Variants in SERINC5 observed in about 807,000 individuals in gnomAD.
The protein encoded by SERINC5 is chromosome 5 open reading frame 12.
In SERINC5, 41 loss-of-function variants were observed where a neutral mutation model predicts 63.1. The ratio of observed to expected loss-of-function variants is 0.65; its 90% CI spans 0.51 to 0.84. The LOEUF (loss-of-function observed/expected upper bound fraction) is 0.84. Ranked by LOEUF, SERINC5 falls within the 40% of genes least tolerant of loss-of-function variation. The pLI, the probability that SERINC5 is intolerant of heterozygous loss-of-function variation, is 0.00. For missense variants in SERINC5, 523 were observed against 573.0 expected (o/e 0.91, Z 0.89); for synonymous variants, 222 against 215.2 (o/e 1.03, Z -0.28).
At chr5:80,148,326 G>A (rs1745959063) in intron 9 of SERINC5, among the ~76,000 whole-genome samples, 1 of 151,356 alleles carries the variant, frequency 6.6e-6, no homozygotes, top group African/African-American at 2.4e-5. Context: ...AAGTAGCTGG[G>A]ATTACAGGCA....
chr5:80,209,793 A>G (rs112464026), intron 1 of SERINC5, among the ~76,000 whole-genome samples: 1 of 152,074 alleles, frequency 6.6e-6, no homozygotes, highest in Non-Finnish European at 1.5e-5. Context: ...TAATCCCAGC[A>G]CTTTGGGAGG....
At chr5:80,208,505 A>C (rs1750280147) in intron 1 of SERINC5, among the ~76,000 whole-genome samples, 1 of 152,058 alleles carries the variant, frequency 6.6e-6, no homozygotes, top group Non-Finnish European at 1.5e-5. Context: ...CAGTGGCAAC[A>C]CTCCTCACGC....
intron 11 of SERINC5, among the ~76,000 whole-genome samples, chr5:80,126,056 C>T (rs1317919409): frequency 6.6e-6 from 1 of 151,916 alleles, no homozygotes; most frequent in East Asian, 1.9e-4. Flanking sequence ...TTCTTGTGAC[C>T]ACAAGACAAA....
At chr5:80,220,186 C>A (rs544964174) in intron 1 of SERINC5, among the ~76,000 whole-genome samples, 40 of 150,066 alleles carry the variant, frequency 2.7e-4, no homozygotes, top group African/African-American at 7.9e-4. Context: ...CCAGCCTGGG[C>A]GACAGAGCAA....
intron 1 of SERINC5, among the ~76,000 whole-genome samples, chr5:80,230,772 A>G (rs1387040490): frequency 7.0e-6 from 1 of 142,278 alleles, no homozygotes; most frequent in Non-Finnish European, 1.5e-5. Context: ...ACCCAGGTAT[A>G]ATTTCTCTCT....
chr5:80,198,534 G>C, intron 2 of SERINC5: 2 of 985,402 alleles, frequency 2.0e-6, no homozygotes, highest in Non-Finnish European at 1.2e-6. Flanking sequence ...ACGCTGGGTA[G>C]GAGGCACTTA....
chr5:80,208,970 A>G (rs942661769), intron 1 of SERINC5, among the ~76,000 whole-genome samples: 1 of 152,212 alleles, frequency 6.6e-6, no homozygotes, highest in Non-Finnish European at 1.5e-5. Flanking sequence ...TAGGGCCTTT[A>G]AAAAGGTAAT....
At chr5:80,254,046 T>C (rs1482113606) in intron 1 of SERINC5, among the ~76,000 whole-genome samples, 1 of 152,174 alleles carries the variant, frequency 6.6e-6, no homozygotes, top group Non-Finnish European at 1.5e-5. Context: ...TCTCCTGCCT[T>C]AGCTGTGTAG....
chr5:80,214,194 T>C (rs1266392063), intron 1 of SERINC5, among the ~76,000 whole-genome samples: 2 of 152,164 alleles, frequency 1.3e-5, no homozygotes, highest in Non-Finnish European at 1.5e-5. Flanking sequence ...ATATTAATAG[T>C]GTAGAGTATG....
In SERINC5 at chr5:80,113,622, A is replaced by G. The variant is rs1238512359; in HGVS notation, c.1242T>C (p.Ser414=). The change falls in exon 12 of 13, where the codon AGT becomes AGC. Residue 414 remains serine (S), a synonymous_variant. Coordinates refer to the SERINC5 transcript ENST00000509193. ...AGAATCATGGCAGGAGGTGAAAGGC[A>G]CTTCTTACATGGCAGCAGCAAGAGA... 1.7e-5 allele frequency: 5 copies of G among 298,720 alleles called. No homozygotes were observed. The East Asian group carries it at 5.6e-4, about 33-fold the overall frequency. The allele number at this position is 298,720 out of a possible 1,614,324, so 18.5% of individuals were successfully genotyped here.
intron 11 of SERINC5, among the ~76,000 whole-genome samples, chr5:80,120,747 A>T (rs1186403571): frequency 6.6e-6 from 1 of 152,128 alleles, no homozygotes; most frequent in Non-Finnish European, 1.5e-5. Flanking sequence ...CCCAGGAGGC[A>T]GAGGTTGCGT....
intron 11 of SERINC5, among the ~76,000 whole-genome samples, chr5:80,114,861 A>T (rs1028255666): frequency 6.6e-6 from 1 of 152,038 alleles, no homozygotes; most frequent in Admixed American, 6.5e-5. Flanking sequence ...AATAACTCTG[A>T]CTAGGAATTG....
rs116692762 is a variant in SERINC5, at chr5:80,179,837, T to C, written c.196-1773A>G. On this transcript the variant is annotated intron_variant, in intron 2 of 11. Transcript: ENST00000507668. ...TCAACCAGTATCTACATTTTTAAAC[T>C]TCAAGATGAGTTAAATCATACTTTC... 8.9e-3 allele frequency among the ~76,000 whole-genome samples: 1,353 copies of C among 152,360 alleles called. 22 individuals carry two copies. Among genetic ancestry groups the C allele is most frequent in the African/African-American group, 0.03 (1,247 of 41,588 alleles).
At chr5:80,138,282 C>A (rs947317186), downstream of SERINC5, among the ~76,000 whole-genome samples, 1 of 151,876 alleles carries the variant, frequency 6.6e-6, no homozygotes, top group Non-Finnish European at 1.5e-5. Context: ...GAGTTAGGAA[C>A]CTGGCACTGT....
At chr5:80,112,016 G>A (rs951637910) in intron 12 of SERINC5, among the ~76,000 whole-genome samples, 13 of 152,216 alleles carry the variant, frequency 8.5e-5, no homozygotes, top group Admixed American at 6.5e-4. Context: ...GCGGAAAGCC[G>A]CAGGGACCTC....
At chr5:80,255,783 G>T in intron 1 of SERINC5, 113 bp downstream of exon 1, 1 of 1,132,720 alleles carries the variant, frequency 8.8e-7, no homozygotes, top group Non-Finnish European at 1.3e-6. Flanking sequence ...ACCCACCCGG[G>T]CCCTACGTTC....
intron 8 of SERINC5, among the ~76,000 whole-genome samples, chr5:80,154,293 TCTCAGC>T (rs976042682): frequency 6.6e-6 from 1 of 152,080 alleles, no homozygotes; most frequent in African/African-American, 2.4e-5. Context: ...GATTCTCCTG[TCTCAGC>T]CTCCCGAGTA....
chr5:80,208,757 G>C (rs1038064262), intron 1 of SERINC5, among the ~76,000 whole-genome samples: 1 of 152,172 alleles, frequency 6.6e-6, no homozygotes, highest in Non-Finnish European at 1.5e-5. Context: ...AAAAGACACA[G>C]AGATTTAGGT....
chr5:80,181,878 C>G (rs541179213), intron 2 of SERINC5, among the ~76,000 whole-genome samples: 5 of 152,302 alleles, frequency 3.3e-5, no homozygotes, highest in African/African-American at 1.2e-4. Context: ...TCTTGCACAA[C>G]CAACCAGATT....
Sources: gnomAD v4.1 joint callset for allele counts (sites outside exome capture counted in the v4.1 genomes callset) on GRCh38, gnomAD v4.1.1 for gene constraint, MANE v1.5 for transcripts, NCBI Gene and HGNC (gene_info 2026-07-23, HGNC 2026-07-21) for gene names.